Variants in MAGI1 observed in about 807,000 individuals in gnomAD.
MAGI1 encodes the protein membrane associated guanylate kinase, WW and PDZ domain containing 1.
A neutral mutation model predicts 139.9 loss-of-function variants in MAGI1; 58 were observed. The ratio of observed to expected loss-of-function variants is 0.41; its 90% CI spans 0.34 to 0.52. The LOEUF is 0.52. Ranked by LOEUF, MAGI1 falls within the 20% of genes least tolerant of loss-of-function variation. MAGI1 has a pLI of 0.12. For missense variants in MAGI1, 1,874 were observed against 1,901.6 expected (o/e 0.99, Z 0.27); for synonymous variants, 812 against 737.9 (o/e 1.10, Z -1.63).
chr3:65,361,890 G>A (rs1940895252), intron 21 of MAGI1, among the ~76,000 whole-genome samples: 1 of 152,210 alleles, frequency 6.6e-6, no homozygotes, highest in Non-Finnish European at 1.5e-5. Context: ...ACAACCACGT[G>A]AGTGAGCTTA....
rs115211084 is a variant in MAGI1 at position 65,404,900 on chromosome 3, T to C, written c.2168-3430A>G. ...CTTCCCTAGACAAGCAAACACTTTGTATGCCTTGTGGCAGCAGGAAGTCTG... is the reference window on the plus strand; with the variant it reads ...CTTCCCTAGACAAGCAAACACTTTGCATGCCTTGTGGCAGCAGGAAGTCTG... On this transcript the variant is annotated intron_variant, in intron 12 of 22. Coordinates refer to ENST00000402939, the MANE Select transcript of MAGI1 (RefSeq NM_001033057.2). Among the ~76,000 whole-genome samples, 514 of 152,320 alleles carry C rather than the reference T, an allele frequency of 3.4e-3. 4 individuals are homozygous for C. Among genetic ancestry groups the C allele is most frequent in the African/African-American group, 0.012 (479 of 41,568 alleles).
chr3:65,422,055 A>C (rs1014253293), intron 12 of MAGI1, among the ~76,000 whole-genome samples: 1 of 152,182 alleles, frequency 6.6e-6, no homozygotes, highest in African/African-American at 2.4e-5. Flanking sequence ...CCAGCTTCTC[A>C]CTTCTGAGGG....
intron 1 of MAGI1, among the ~76,000 whole-genome samples, chr3:65,807,370 C>A (rs796134819): frequency 6.6e-6 from 1 of 152,310 alleles, no homozygotes; most frequent in South Asian, 2.1e-4. Context: ...CCGGCTTTCT[C>A]TTCAACCTCT....
intron 2 of MAGI1, among the ~76,000 whole-genome samples, chr3:65,500,004 G>A (rs2077022579): frequency 6.6e-6 from 1 of 150,836 alleles, no homozygotes; most frequent in Non-Finnish European, 1.5e-5. Flanking sequence ...TTTTATTCAA[G>A]TACTTTCAAA....
intron 1 of MAGI1, among the ~76,000 whole-genome samples, chr3:65,889,631 C>G (rs1041710273): frequency 5.3e-5 from 8 of 152,162 alleles, no homozygotes; most frequent in Non-Finnish European, 1.2e-4. Flanking sequence ...CAGTGCAACA[C>G]AGGAGTTTAA....
At chr3:65,832,697 A>T (rs1158974746) in intron 1 of MAGI1, among the ~76,000 whole-genome samples, 2 of 151,974 alleles carry the variant, frequency 1.3e-5, no homozygotes, top group African/African-American at 2.4e-5. Context: ...ATACCTCCAC[A>T]TCCTAGGGCA....
chr3:65,991,274 C>T (rs930035336), intron 1 of MAGI1, among the ~76,000 whole-genome samples: 3 of 110,150 alleles, frequency 2.7e-5, no homozygotes, highest in African/African-American at 1.1e-4. Context: ...GGCGACAGAG[C>T]GAGAGACTCT....
rs1949130990 is a variant in MAGI1 at position 65,452,985 on chromosome 3, CAG to C, written c.1042+271_1042+272del. On this transcript the variant is annotated intron_variant, in intron 6 of 22. Coordinates refer to ENST00000402939, the MANE Select transcript of MAGI1 (RefSeq NM_001033057.2). ...AGAATTTACTCTAAGTTCCTGAAGA[CAG>C]AGGACGTATCTTCATTTGAACAGTT... The C allele has an allele frequency of 2.3e-5, 8 of 343,312 alleles. No individual in the cohort carries two copies. In the Admixed American group the frequency reaches 2.9e-4, roughly 12 times the overall value. 21.3% of individuals were successfully genotyped at this position (343,312 alleles called of 1,614,324 possible).
intron 1 of MAGI1, among the ~76,000 whole-genome samples, chr3:65,727,079 T>C (rs17073575): frequency 0.23 from 35,199 of 151,828 alleles, 4,446 homozygotes; most frequent in East Asian, 0.45. Flanking sequence ...ACAAAATATA[T>C]GGGATGGAGA....
intron 2 of MAGI1, among the ~76,000 whole-genome samples, chr3:65,511,575 T>A: frequency 2.1e-5 from 2 of 95,328 alleles, no homozygotes; most frequent in South Asian, 5.0e-4. Context: ...TACATAATGG[T>A]AAAGGGATCA....
At chr3:65,911,785 G>A (rs1454193490) in intron 1 of MAGI1, among the ~76,000 whole-genome samples, 1 of 152,144 alleles carries the variant, frequency 6.6e-6, no homozygotes, top group African/African-American at 2.4e-5. Flanking sequence ...TTATTTCCTA[G>A]CATCAAACTT....
chr3:65,917,126 C>G (rs1024650815), intron 1 of MAGI1, among the ~76,000 whole-genome samples: 6 of 152,146 alleles, frequency 3.9e-5, no homozygotes, highest in African/African-American at 1.4e-4. Context: ...TAGAAAGATA[C>G]ATATTATACC....
At chr3:65,734,137 A>G (rs1559831534) in intron 1 of MAGI1, among the ~76,000 whole-genome samples, 1 of 152,054 alleles carries the variant, frequency 6.6e-6, no homozygotes, top group Non-Finnish European at 1.5e-5. Flanking sequence ...GAGGATGCCA[A>G]CTCATTTTTC....
chr3:65,444,034 G>A (rs1369739700), intron 7 of MAGI1, among the ~76,000 whole-genome samples: 1 of 152,152 alleles, frequency 6.6e-6, no homozygotes, highest in African/African-American at 2.4e-5. Context: ...GTTTTGTTCA[G>A]ATTTGGCTGC....
At chr3:65,915,759 A>G (rs891825639) in intron 1 of MAGI1, among the ~76,000 whole-genome samples, 1 of 152,082 alleles carries the variant, frequency 6.6e-6, no homozygotes, top group African/African-American at 2.4e-5. Context: ...GATGACTATC[A>G]GGTAACTAAT....
rs762326391 is a variant in MAGI1, at chr3:65,356,429, C to A, written c.4338G>T (p.Pro1446=). The change falls in exon 23 of 23, where the codon CCG becomes CCT. Residue 1446 remains proline, a synonymous_variant. Transcript: ENST00000402939. ...QDAGRSSRHP[P]EQRRRPYKEC... is the part of the protein sequence containing the mutation. ...CTTTGTAAGGTCGCCTTCTCTGCTCCGGGGGATGTCTGGAACTTCTGCCGG... is the reference window on the plus strand; with the variant it reads ...CTTTGTAAGGTCGCCTTCTCTGCTCAGGGGGATGTCTGGAACTTCTGCCGG... 1 of 1,609,284 alleles carries A rather than the reference C, an allele frequency of 6.2e-7. No individual in the cohort carries two copies. Among genetic ancestry groups the A allele is most frequent in the Non-Finnish European group, 8.5e-7 (1 of 1,178,982 alleles).
intron 5 of MAGI1, among the ~76,000 whole-genome samples, chr3:65,463,581 T>C (rs1211016222): frequency 6.6e-6 from 1 of 151,210 alleles, no homozygotes; most frequent in African/African-American, 2.4e-5. Context: ...TGTGTGTGTG[T>C]GTGTGTGTGT....
At chr3:65,440,055 C>T (rs1948161575) in intron 8 of MAGI1, 43 bp from the exon 9 acceptor site, 1 of 1,608,156 alleles carries the variant, frequency 6.2e-7, no homozygotes, top group Non-Finnish European at 8.5e-7. Flanking sequence ...AACAGTTCAT[C>T]CCACCAGCAA....
intron 2 of MAGI1, among the ~76,000 whole-genome samples, chr3:65,589,759 C>G (rs749083571): frequency 6.6e-6 from 1 of 151,614 alleles, no homozygotes; most frequent in Non-Finnish European, 1.5e-5. Flanking sequence ...TTATTTACCA[C>G]GACATGCAGT....
Sources: allele counts gnomAD v4.1 joint callset (sites outside exome capture counted in the v4.1 genomes callset), GRCh38; gene constraint gnomAD v4.1.1; transcripts MANE v1.5; gene names NCBI Gene and HGNC (gene_info 2026-07-23, HGNC 2026-07-21).